PPM1H: variants seen among roughly 807,000 people sequenced by gnomAD.
The protein encoded by PPM1H is protein phosphatase, Mg2+/Mn2+ dependent 1H.
Under a neutral mutation model 54.9 loss-of-function variants are expected in PPM1H, and 27 were observed. The observed-to-expected ratio is 0.49, with a 90% CI of 0.36 to 0.68. The LOEUF is 0.68. Ranked by LOEUF, PPM1H falls within the 30% of genes least tolerant of loss-of-function variation. The probability of loss-of-function intolerance (pLI) is 0.00; values close to 1 mark genes in which losing one functional copy is unlikely to be tolerated. For synonymous variants in PPM1H, 305 were observed against 270.8 expected, an observed-to-expected ratio of 1.13 and a Z score of -1.24; for missense variants, 596 against 667.8, an observed-to-expected ratio of 0.89 and a Z score of 1.19.
intron 2 of PPM1H, among the ~76,000 whole-genome samples, chr12:62,829,717 T>A (rs1192074855): frequency 1.3e-5 from 2 of 152,130 alleles, no homozygotes; most frequent in Non-Finnish European, 2.9e-5. Context: ...CACAGCTCCA[T>A]CCCAAAGTGC....
At chr12:62,703,922 C>T (rs1307210603) in intron 6 of PPM1H, among the ~76,000 whole-genome samples, 1 of 151,828 alleles carries the variant, frequency 6.6e-6, no homozygotes, top group Non-Finnish European at 1.5e-5. Flanking sequence ...TTCAAGCGGC[C>T]TTACAGCAGG....
At chr12:62,771,568 A>G (rs1247985797) in intron 4 of PPM1H, among the ~76,000 whole-genome samples, 1 of 152,150 alleles carries the variant, frequency 6.6e-6, no homozygotes, top group East Asian at 1.9e-4. Flanking sequence ...AGCCATCTAC[A>G]CTGTAATGCA....
chr12:62,867,631 G>A (rs1476835773), intron 1 of PPM1H, among the ~76,000 whole-genome samples: 2 of 124,446 alleles, frequency 1.6e-5, no homozygotes, highest in Non-Finnish European at 3.2e-5. Flanking sequence ...AGGCTGGAGT[G>A]CAGTGGCGCG....
At chr12:62,895,764 T>C (rs1225387934) in intron 1 of PPM1H, among the ~76,000 whole-genome samples, 1 of 152,194 alleles carries the variant, frequency 6.6e-6, no homozygotes, top group East Asian at 1.9e-4. Context: ...CCATCTGATC[T>C]GTGCATATGC....
At chr12:62,655,432 A>G (rs2075838601) in intron 9 of PPM1H, among the ~76,000 whole-genome samples, 1 of 152,138 alleles carries the variant, frequency 6.6e-6, no homozygotes, top group Non-Finnish European at 1.5e-5. Flanking sequence ...TCCAATTTCT[A>G]CCTTACATCA....
intron 2 of PPM1H, among the ~76,000 whole-genome samples, chr12:62,817,137 G>GAAAAAAAAAAAAACAAAAAAAAAAAAAAA (rs2076872681): frequency 8.9e-5 from 6 of 67,358 alleles, no homozygotes; most frequent in Admixed American, 1.9e-4. Flanking sequence ...AAAAAAAAAA[G>GAAAAAAAAAAAAACAAAAAAAAAAAAAAA]AAAAAAAAAA....
At chr12:62,903,575 T>C (rs547872286) in intron 1 of PPM1H, among the ~76,000 whole-genome samples, 9 of 152,184 alleles carry the variant, frequency 5.9e-5, no homozygotes, top group Non-Finnish European at 1.3e-4. Flanking sequence ...AACTCTGTGA[T>C]TTTAGATACA....
chr12:62,778,089 C>CT (rs1447864279), intron 4 of PPM1H, among the ~76,000 whole-genome samples: 3 of 152,196 alleles, frequency 2.0e-5, no homozygotes, highest in Non-Finnish European at 4.4e-5. Flanking sequence ...TCTCCTAAAA[C>CT]TAACAGTGAC....
In PPM1H at chr12:62,934,749, C is replaced by A. The variant is rs779370213; in HGVS notation, c.-13G>T. ...CTCGAGTGAGCATATTACTCCGGCGCCCGGCTGCAGCGGTGCGAGCAGGAG... is the reference window on the plus strand; with the variant it reads ...CTCGAGTGAGCATATTACTCCGGCGACCGGCTGCAGCGGTGCGAGCAGGAG... On this transcript the variant is annotated 5_prime_UTR_variant, in exon 1 of 10. Transcript: ENST00000228705. The surrounding 1 kb of genome is among the most constrained non-coding windows in gnomAD (Gnocchi z 4.2). The A allele has an allele frequency of 1.6e-5, 25 of 1,521,872 alleles. No homozygotes were observed. The highest frequency in any genetic ancestry group is 2.2e-5 in the Non-Finnish European group (25 of 1,129,976). 94.3% of individuals were successfully genotyped at this position (1,521,872 alleles called of 1,614,324 possible). A position where few individuals can be genotyped will look rare whatever the true frequency, so the allele number is the denominator to read the frequency against.
chr12:62,760,657 T>G (rs956702645), intron 4 of PPM1H, among the ~76,000 whole-genome samples: 5 of 152,182 alleles, frequency 3.3e-5, no homozygotes, highest in African/African-American at 9.7e-5. Context: ...AATCAGCCAG[T>G]GTTTAGGCTC....
At chr12:62,892,020 C>A (rs552198354) in intron 1 of PPM1H, among the ~76,000 whole-genome samples, 1 of 152,300 alleles carries the variant, frequency 6.6e-6, no homozygotes, top group African/African-American at 2.4e-5. Flanking sequence ...ATGGCTACAA[C>A]TTTCAGCCAC....
chr12:62,839,359 C>A (rs1306575110), intron 1 of PPM1H, among the ~76,000 whole-genome samples: 7 of 152,080 alleles, frequency 4.6e-5, no homozygotes, highest in Non-Finnish European at 1.0e-4. Context: ...TTTTTGTCCA[C>A]AAAGTGTTCA....
At chr12:62,769,770 T>G (rs1379523470) in intron 4 of PPM1H, among the ~76,000 whole-genome samples, 1 of 152,016 alleles carries the variant, frequency 6.6e-6, no homozygotes, top group African/African-American at 2.4e-5. Context: ...GAAAAAAACA[T>G]GGAATCACAG....
At chr12:62,776,666 A>C (rs1029215545) in intron 4 of PPM1H, among the ~76,000 whole-genome samples, 2 of 152,214 alleles carry the variant, frequency 1.3e-5, no homozygotes, top group Non-Finnish European at 2.9e-5. Flanking sequence ...GGTGAGGGCC[A>C]GCATTTCCAG....
chr12:62,679,760 T>G (rs2076008379), intron 8 of PPM1H, among the ~76,000 whole-genome samples: 1 of 152,132 alleles, frequency 6.6e-6, no homozygotes, highest in Non-Finnish European at 1.5e-5. Context: ...CCGGCAACAA[T>G]CAGAACTCAC....
intron 6 of PPM1H, among the ~76,000 whole-genome samples, chr12:62,711,550 C>G (rs1470718576): frequency 1.3e-5 from 2 of 152,132 alleles, no homozygotes; most frequent in Admixed American, 6.5e-5. Context: ...CCCAAACTTC[C>G]CCAGATGACT....
At chr12:62,871,184 T>G (rs1340640742) in intron 1 of PPM1H, among the ~76,000 whole-genome samples, 1 of 152,084 alleles carries the variant, frequency 6.6e-6, no homozygotes, top group African/African-American at 2.4e-5. Context: ...ATGTGATATA[T>G]CCATACAATG....
chr12:62,752,882 C>T (rs773313036), intron 4 of PPM1H, among the ~76,000 whole-genome samples: 12 of 152,104 alleles, frequency 7.9e-5, no homozygotes, highest in South Asian at 6.2e-4. Flanking sequence ...CAACGAAGGA[C>T]GATGATGCTA....
At chr12:62,920,422 G>C (rs1207147415) in intron 1 of PPM1H, among the ~76,000 whole-genome samples, 7 of 151,328 alleles carry the variant, frequency 4.6e-5, no homozygotes, top group Admixed American at 4.6e-4. Context: ...GACCTGCCTA[G>C]TTCAGGTGAT....
Sources: gnomAD v4.1 joint callset for allele counts (sites outside exome capture counted in the v4.1 genomes callset) on GRCh38, gnomAD v4.1.1 for gene constraint, Gnocchi (gnomAD v3.1) non-coding constraint, MANE v1.5 for transcripts, NCBI Gene and HGNC (gene_info 2026-07-23, HGNC 2026-07-21) for gene names.